Variants in NAALADL2 observed in about 807,000 individuals in gnomAD.
NAALADL2 encodes the protein inactive N-acetylated-alpha-linked acidic dipeptidase-like protein 2.
NAALADL2 carries 76 observed loss-of-function variants against 87.2 expected under a neutral mutation model. The ratio of observed to expected loss-of-function variants is 0.87; its 90% CI spans 0.72 to 1.05. NAALADL2 has a LOEUF of 1.05. NAALADL2 is among the 50% of genes least tolerant of loss of function. NAALADL2 has a pLI of 0.00. For missense variants in NAALADL2, 1,089 were observed against 945.8 expected, an observed-to-expected ratio of 1.15 and a Z score of -1.99; for synonymous variants, 354 against 331.0, an observed-to-expected ratio of 1.07 and a Z score of -0.75.
chr3:174,561,878 G>T (rs938269550), intron 2 of NAALADL2, among the ~76,000 whole-genome samples: 3 of 152,048 alleles, frequency 2.0e-5, no homozygotes, highest in African/African-American at 7.2e-5. Flanking sequence ...TAATAAGTTG[G>T]ACTTAAAGTA....
At chr3:174,729,376 G>A (rs777547076) in intron 2 of NAALADL2, among the ~76,000 whole-genome samples, 47 of 152,014 alleles carry the variant, frequency 3.1e-4, no homozygotes, top group Non-Finnish European at 5.3e-4. Flanking sequence ...GAGACATGGT[G>A]AGACTAAGCA....
At chr3:175,277,409 T>G (rs9867950) in intron 4 of NAALADL2, among the ~76,000 whole-genome samples, 5,274 of 152,260 alleles carry the variant, frequency 0.035, 286 homozygotes, top group African/African-American at 0.11. Context: ...TTATTCATTT[T>G]TGTCTTCCTG....
At chr3:175,082,921 A>G (rs187969336) in intron 1 of NAALADL2, among the ~76,000 whole-genome samples, 1 of 152,268 alleles carries the variant, frequency 6.6e-6, no homozygotes, top group East Asian at 1.9e-4. Flanking sequence ...ATTTTTCTGG[A>G]TAGATTCCTT....
chr3:175,626,166 AGT>A (rs992564157), intron 10 of NAALADL2, among the ~76,000 whole-genome samples: 1 of 151,698 alleles, frequency 6.6e-6, no homozygotes, highest in Non-Finnish European at 1.5e-5. Context: ...CCCTCATTTC[AGT>A]GTCTTTGTTT....
intron 3 of NAALADL2, among the ~76,000 whole-genome samples, chr3:175,241,833 T>G (rs1450119147): frequency 1.3e-5 from 2 of 148,322 alleles, no homozygotes; most frequent in Non-Finnish European, 1.5e-5. Context: ...GCATTTTTAG[T>G]GAGAAAGTAT....
chr3:175,282,603 C>A (rs753397798), intron 4 of NAALADL2, among the ~76,000 whole-genome samples: 2 of 152,020 alleles, frequency 1.3e-5, no homozygotes, highest in Admixed American at 6.6e-5. Context: ...CCAACCCCCA[C>A]CAAACTCTAC....
At chr3:175,361,849 T>C (rs1686968473) in intron 5 of NAALADL2, among the ~76,000 whole-genome samples, 1 of 148,324 alleles carries the variant, frequency 6.7e-6, no homozygotes, top group Admixed American at 6.9e-5. Context: ...TTTCTTTTGC[T>C]GTGCAGAAAC....
At chr3:175,665,347 A>G (rs1038893872) in intron 11 of NAALADL2, among the ~76,000 whole-genome samples, 9 of 152,254 alleles carry the variant, frequency 5.9e-5, no homozygotes, top group Non-Finnish European at 1.2e-4. Context: ...CAGACCAACC[A>G]ACTTTTCGGG....
chr3:175,792,628 GT>G (rs1187791114), intron 13 of NAALADL2, among the ~76,000 whole-genome samples: 2 of 152,094 alleles, frequency 1.3e-5, no homozygotes, highest in Non-Finnish European at 2.9e-5. Flanking sequence ...ATGTCTATGT[GT>G]TTTTCATAAC....
At chr3:175,158,312 C>A (rs1732623646) in intron 2 of NAALADL2, among the ~76,000 whole-genome samples, 1 of 151,944 alleles carries the variant, frequency 6.6e-6, no homozygotes, top group Admixed American at 6.6e-5. Context: ...CAATTTTCAC[C>A]CCAAGTAGAA....
chr3:175,233,051 A>G (rs1423363865), intron 2 of NAALADL2, among the ~76,000 whole-genome samples: 1 of 152,218 alleles, frequency 6.6e-6, no homozygotes, highest in Non-Finnish European at 1.5e-5. Context: ...TAGGTATAGA[A>G]ATAAATATAC....
chr3:174,728,386 G>T (rs549038833), intron 2 of NAALADL2, among the ~76,000 whole-genome samples: 2 of 152,120 alleles, frequency 1.3e-5, no homozygotes, highest in Admixed American at 1.3e-4. Context: ...GGAAGGAATG[G>T]AAGAAGTTAT....
intron 5 of NAALADL2, among the ~76,000 whole-genome samples, chr3:175,400,758 C>T (rs949562689): frequency 2.0e-5 from 3 of 152,112 alleles, no homozygotes; most frequent in Non-Finnish European, 4.4e-5. Flanking sequence ...TAATGCCACT[C>T]TTCCCTACTG....
At chr3:175,095,690 A>G (rs1721028087) in intron 1 of NAALADL2, among the ~76,000 whole-genome samples, 2 of 152,056 alleles carry the variant, frequency 1.3e-5, no homozygotes, top group Admixed American at 1.3e-4. Context: ...ATAGGAATTT[A>G]CTTGTCTACC....
rs1216312573 is a variant in NAALADL2 at position 175,408,096 on chromosome 3, G to T, written c.1091-39133G>T. Among the ~76,000 whole-genome samples the T allele has an allele frequency of 2.0e-5, 3 of 152,100 alleles. No individual in the cohort carries two copies. The East Asian group carries it at 5.8e-4, about 29-fold the overall frequency. ...AGTCGATCTCATAGAAACAGAGTAA[G>T]AAGTGGTTAGCAGAAACAGGGGAAA... is the stretch of plus-strand genomic sequence containing the variant. On this transcript the variant is annotated intron_variant, in intron 5 of 13. Transcript: ENST00000454872.
At chr3:175,558,480 C>T (rs1715726807) in intron 9 of NAALADL2, among the ~76,000 whole-genome samples, 1 of 152,076 alleles carries the variant, frequency 6.6e-6, no homozygotes, top group South Asian at 2.1e-4. Context: ...TGGTGTATTA[C>T]TCAAGATATC....
At chr3:175,290,436 C>A (rs889715877) in intron 4 of NAALADL2, among the ~76,000 whole-genome samples, 1 of 152,014 alleles carries the variant, frequency 6.6e-6, no homozygotes, top group African/African-American at 2.4e-5. Flanking sequence ...TGGTTTCCTA[C>A]AATTGGCAGT....
intron 1 of NAALADL2, among the ~76,000 whole-genome samples, chr3:174,921,273 G>C (rs553700013): frequency 6.6e-5 from 10 of 152,248 alleles, no homozygotes; most frequent in South Asian, 2.1e-4. Flanking sequence ...TGTATATCTA[G>C]ACAATATTTT....
At chr3:175,208,738 G>A (rs996930875) in intron 2 of NAALADL2, among the ~76,000 whole-genome samples, 2 of 152,058 alleles carry the variant, frequency 1.3e-5, no homozygotes, top group Non-Finnish European at 2.9e-5. Context: ...TAGATAGAAA[G>A]GAAATAAATA....
Sources: allele counts gnomAD v4.1 joint callset (sites outside exome capture counted in the v4.1 genomes callset), GRCh38; gene constraint gnomAD v4.1.1; transcripts MANE v1.5; gene names NCBI Gene and HGNC (gene_info 2026-07-23, HGNC 2026-07-21).